Variants in LRRC37A2 observed in about 807,000 individuals in gnomAD.
LRRC37A2 encodes the protein leucine-rich repeat-containing protein 37A2.
LRRC37A2 carries 9 observed loss-of-function variants against 68.8 expected under a neutral mutation model. The observed-to-expected ratio is 0.13, with a 90% confidence interval of 0.08 to 0.23. LRRC37A2 has a LOEUF of 0.23. Ranked by LOEUF, LRRC37A2 falls within the 10% of genes least tolerant of loss-of-function variation. The pLI, the probability that LRRC37A2 is intolerant of heterozygous loss-of-function variation, is 1.00. For synonymous variants in LRRC37A2, 63 were observed against 367.6 expected (o/e 0.17, Z 9.48); for missense variants, 168 against 950.4 (o/e 0.18, Z 10.82).
At chr17:46,979,102 A>G in the LRRC37A2 span, 2 of 1,205,988 alleles carry the variant, frequency 1.7e-6, no homozygotes, top group Non-Finnish European at 2.1e-6. Context: ...GACCCCTCGG[A>G]CCGGCTCCTG....
the LRRC37A2 span, among the ~76,000 whole-genome samples, chr17:46,803,118 G>A: frequency 1.3e-5 from 2 of 152,328 alleles, no homozygotes; most frequent in African/African-American, 4.8e-5. Context: ...GATGTCTGCC[G>A]CAGAATTGAC....
At chr17:46,830,336 C>T in the LRRC37A2 span, among the ~76,000 whole-genome samples, 2 of 152,166 alleles carry the variant, frequency 1.3e-5, no homozygotes, top group Non-Finnish European at 2.9e-5. Context: ...ACTGCAGCCT[C>T]GACCTCCCGG....
At chr17:46,687,437 G>T in the LRRC37A2 span, among the ~76,000 whole-genome samples, 2 of 150,754 alleles carry the variant, frequency 1.3e-5, no homozygotes, top group African/African-American at 2.4e-5. Context: ...TTTCCCTTCT[G>T]CAGCTTCCTT....
At chr17:46,926,794 T>C in the LRRC37A2 span, among the ~76,000 whole-genome samples, 1 of 152,248 alleles carries the variant, frequency 6.6e-6, no homozygotes, top group Non-Finnish European at 1.5e-5. Context: ...TTGTCTCTGA[T>C]TGGTTCAAAG....
the LRRC37A2 span, among the ~76,000 whole-genome samples, chr17:46,957,396 T>C: frequency 6.6e-6 from 1 of 152,142 alleles, no homozygotes; most frequent in African/African-American, 2.4e-5. Context: ...GTGGATCACT[T>C]GAGGTCAGGA....
At chr17:46,966,816 G>C in the LRRC37A2 span, 1 of 428,342 alleles carries the variant, frequency 2.3e-6, no homozygotes, top group Non-Finnish European at 4.1e-6. Context: ...AGAAAAATCA[G>C]AATTATGAAA....
chr17:46,758,863 G>A, the LRRC37A2 span, among the ~76,000 whole-genome samples: 833 of 152,262 alleles, frequency 5.5e-3, 6 homozygotes, highest in Middle Eastern at 0.048. Flanking sequence ...GTGAAAGCAG[G>A]ATTTCATTTT....
At chr17:46,827,924 C>T in the LRRC37A2 span, among the ~76,000 whole-genome samples, 2 of 152,034 alleles carry the variant, frequency 1.3e-5, no homozygotes, top group Admixed American at 6.6e-5. Flanking sequence ...ATTCCCCTGC[C>T]TCAGCCTCCC....
chr17:46,993,570 C>T, the LRRC37A2 span, among the ~76,000 whole-genome samples: 2 of 152,370 alleles, frequency 1.3e-5, no homozygotes, highest in East Asian at 1.9e-4. Context: ...CAAGTTCATC[C>T]GCAGCCACTG....
At chr17:47,048,330 A>G in the LRRC37A2 span, among the ~76,000 whole-genome samples, 1 of 151,822 alleles carries the variant, frequency 6.6e-6, no homozygotes, top group Non-Finnish European at 1.5e-5. Flanking sequence ...CTTGACCTTC[A>G]TGCAGTCAGA....
At chr17:46,897,097 G>A in the LRRC37A2 span, among the ~76,000 whole-genome samples, 1 of 152,212 alleles carries the variant, frequency 6.6e-6, no homozygotes, top group Non-Finnish European at 1.5e-5. Flanking sequence ...GAAAGAATCT[G>A]CTGCGACCGC....
chr17:46,764,464 C>G, the LRRC37A2 span: 4 of 152,364 alleles, frequency 2.6e-5, no homozygotes, highest in African/African-American at 4.8e-5. Flanking sequence ...AGAGCCTCCC[C>G]GTCCACAGGC....
intron 6 of LRRC37A2, among the ~76,000 whole-genome samples, chr17:46,525,602 T>TATAATAATAATA (rs61094611): frequency 3.0e-4 from 31 of 103,138 alleles, no homozygotes; most frequent in African/African-American, 5.3e-4. Context: ...ATAATAATAA[T>TATAATAATAATA]ATAATAATAA....
At chr17:46,936,328 C>T in the LRRC37A2 span, 4 of 985,154 alleles carry the variant, frequency 4.1e-6, no homozygotes, top group Non-Finnish European at 4.8e-6. Context: ...GGGGTTAGAG[C>T]GTCCTGTTAA....
the LRRC37A2 span, among the ~76,000 whole-genome samples, chr17:46,890,864 G>T: frequency 6.6e-6 from 1 of 152,146 alleles, no homozygotes; most frequent in Non-Finnish European, 1.5e-5. Flanking sequence ...AGAACCACCC[G>T]TTTTAATGCT....
chr17:46,989,665 T>C, the LRRC37A2 span, among the ~76,000 whole-genome samples: 2 of 150,200 alleles, frequency 1.3e-5, no homozygotes. Context: ...GGCTATGTGA[T>C]TGGCTTTGGC....
At chr17:46,941,874 C>G in the LRRC37A2 span, 1 of 965,908 alleles carries the variant, frequency 1.0e-6, no homozygotes, top group Non-Finnish European at 1.2e-6. Context: ...GTGTTAGCCA[C>G]TGTACCTGGC....
At chr17:46,763,959 G>T in the LRRC37A2 span, 1 of 152,072 alleles carries the variant, frequency 6.6e-6, no homozygotes, top group African/African-American at 2.4e-5. Context: ...AAATGAGACT[G>T]AGAAGAACAC....
At chr17:46,816,512 CA>C in the LRRC37A2 span, among the ~76,000 whole-genome samples, 1 of 143,118 alleles carries the variant, frequency 7.0e-6, no homozygotes, top group Non-Finnish European at 1.5e-5. Flanking sequence ...CACACACACA[CA>C]CACCTCTCTC....
Sources: gnomAD v4.1 joint callset for allele counts (sites outside exome capture counted in the v4.1 genomes callset) on GRCh38, gnomAD v4.1.1 for gene constraint, MANE v1.5 for transcripts, NCBI Gene and HGNC (gene_info 2026-07-23, HGNC 2026-07-21) for gene names.